Variants in RPS6KC1 observed in about 807,000 individuals in gnomAD.
The protein encoded by RPS6KC1 is inactive ribosomal protein S6 kinase delta-1.
Under a neutral mutation model 103.8 loss-of-function variants are expected in RPS6KC1, and 54 were observed. The ratio of observed to expected loss-of-function variants is 0.52; its 90% CI spans 0.42 to 0.65. The LOEUF (loss-of-function observed/expected upper bound fraction) is 0.65. Ranked by LOEUF, RPS6KC1 falls within the 30% of genes least tolerant of loss-of-function variation. RPS6KC1 has a pLI of 0.00. For missense variants in RPS6KC1, 1,151 were observed against 1,253.8 expected (o/e 0.92, Z 1.24); for synonymous variants, 439 against 438.7 (o/e 1.00, Z -0.01).
the RPS6KC1 span, among the ~76,000 whole-genome samples, chr1:213,779,173 T>C: frequency 6.6e-6 from 1 of 152,178 alleles, no homozygotes; most frequent in South Asian, 2.1e-4. Context: ...AATGAAAGGA[T>C]GAGAACTTGT....
At chr1:213,641,983 A>G in the RPS6KC1 span, among the ~76,000 whole-genome samples, 7 of 152,050 alleles carry the variant, frequency 4.6e-5, no homozygotes, top group Non-Finnish European at 8.8e-5. Context: ...GGCCACCACC[A>G]TAGGATTGCC....
chr1:213,772,411 T>C, the RPS6KC1 span, among the ~76,000 whole-genome samples: 1 of 152,250 alleles, frequency 6.6e-6, no homozygotes, highest in African/African-American at 2.4e-5. Flanking sequence ...CATTATTTCC[T>C]GACCTCTAGA....
chr1:213,330,738 G>C, the RPS6KC1 span, among the ~76,000 whole-genome samples: 1 of 152,252 alleles, frequency 6.6e-6, no homozygotes, highest in Admixed American at 6.5e-5. Flanking sequence ...CGTGGGAACA[G>C]GGTGCTGTCC....
intron 4 of RPS6KC1, among the ~76,000 whole-genome samples, chr1:213,112,644 A>G (rs1014916148): frequency 6.6e-6 from 1 of 151,896 alleles, no homozygotes; most frequent in South Asian, 2.1e-4. Context: ...TACATGTGCC[A>G]TGCTGGTGTG....
rs746753919 is a variant in RPS6KC1 at position 213,051,484 on chromosome 1, A to G, written c.80A>G (p.Tyr27Cys). 6.2e-7 allele frequency: 1 copy of G among 1,613,250 alleles called. No individual in the cohort carries two copies. Among genetic ancestry groups the G allele is most frequent in the South Asian group, 1.1e-5 (1 of 90,906 alleles). ...GAGCCCCAGCGACACCCGAGGGGCT[A>G]CACAGTATATAAGGTCACCGCCCGG... is the stretch of plus-strand genomic sequence containing the variant. The part of the protein sequence containing the change: ...VTEPQRHPRG[Y>C]TVYKVTARVV... The change falls in exon 1 of 15, where the codon TAC becomes TGC. Residue 27 changes from tyrosine to cysteine, a missense_variant. Physicochemically the swap from Tyr to Cys is radical, Grantham distance 194. Transcript: ENST00000366960.
At chr1:213,386,295 T>C in the RPS6KC1 span, among the ~76,000 whole-genome samples, 3 of 152,096 alleles carry the variant, frequency 2.0e-5, no homozygotes, top group Admixed American at 1.3e-4. Context: ...GCCAGCAGAA[T>C]CATGAGCCAA....
the RPS6KC1 span, among the ~76,000 whole-genome samples, chr1:213,524,054 C>T: frequency 8.4e-4 from 128 of 152,116 alleles, no homozygotes; most frequent in African/African-American, 2.9e-3. Context: ...GAGGAAGCCC[C>T]GGGAGGCAGG....
At chr1:213,225,202 A>C (rs2093931300) in intron 8 of RPS6KC1, among the ~76,000 whole-genome samples, 1 of 152,222 alleles carries the variant, frequency 6.6e-6, no homozygotes, top group Non-Finnish European at 1.5e-5. Context: ...TCCAGAGGCC[A>C]ATTTATAATC....
At chr1:213,196,977 C>A (rs753208502) in intron 8 of RPS6KC1, among the ~76,000 whole-genome samples, 6 of 152,092 alleles carry the variant, frequency 3.9e-5, no homozygotes, top group Non-Finnish European at 8.8e-5. Flanking sequence ...GCTGGGATTA[C>A]GGGCATGTGC....
intron 3 of RPS6KC1, among the ~76,000 whole-genome samples, chr1:213,085,866 AG>A (rs1181607861): frequency 1.3e-5 from 2 of 152,110 alleles, no homozygotes; most frequent in African/African-American, 4.8e-5. Flanking sequence ...TTTGATCAGT[AG>A]GAGCCCTTTT....
chr1:213,371,903 C>G, the RPS6KC1 span, among the ~76,000 whole-genome samples: 2 of 152,188 alleles, frequency 1.3e-5, no homozygotes, highest in Admixed American at 1.3e-4. Context: ...TGCCCACTCC[C>G]TGCTCGCCAT....
chr1:213,054,648 A>G (rs1019885231), intron 1 of RPS6KC1, among the ~76,000 whole-genome samples: 8 of 152,172 alleles, frequency 5.3e-5, no homozygotes, highest in African/African-American at 1.9e-4. Context: ...GGAAGTACCA[A>G]TGTTAAATTT....
chr1:213,129,506 C>A, intron 5 of RPS6KC1, 21 bp from the exon 6 acceptor site: 1 of 1,569,590 alleles, frequency 6.4e-7, no homozygotes, highest in Non-Finnish European at 8.6e-7. Context: ...TATCTGTTTA[C>A]TATTGTGATC....
the RPS6KC1 span, among the ~76,000 whole-genome samples, chr1:213,468,474 T>G: frequency 6.6e-6 from 1 of 152,206 alleles, no homozygotes; most frequent in African/African-American, 2.4e-5. Flanking sequence ...CATTCATACA[T>G]TATTCTCTGT....
chr1:213,320,850 G>A, the RPS6KC1 span, among the ~76,000 whole-genome samples: 1 of 152,304 alleles, frequency 6.6e-6, no homozygotes, highest in African/African-American at 2.4e-5. Flanking sequence ...TGGGGAGCAT[G>A]AGATTGTACA....
intron 12 of RPS6KC1, among the ~76,000 whole-genome samples, chr1:213,243,707 A>G (rs1334279729): frequency 1.3e-5 from 2 of 152,182 alleles, no homozygotes; most frequent in African/African-American, 4.8e-5. Flanking sequence ...GCCTCTTTGG[A>G]TGGCCAGAGT....
chr1:213,632,277 G>A, the RPS6KC1 span, among the ~76,000 whole-genome samples: 39 of 152,244 alleles, frequency 2.6e-4, no homozygotes, highest in African/African-American at 7.9e-4. Flanking sequence ...ATACCAAGGG[G>A]TATCCCCATT....
At position 213,153,226 on chromosome 1, in the gene RPS6KC1, A is replaced by AGGGAGAGGGAGACCGTG. The variant is rs2089449880; in HGVS notation, c.836-14619_836-14603dup. 4.0e-5 allele frequency among the ~76,000 whole-genome samples: 6 copies of AGGGAGAGGGAGACCGTG among 148,298 alleles called. No individual in the cohort carries two copies. In the South Asian group the frequency reaches 1.3e-3, roughly 33 times the overall value. On this transcript the variant is annotated intron_variant, in intron 6 of 14. Transcript: ENST00000366960. Reference sequence around the variant, plus strand: ...CATGAGAGGGAGACCGTGGAAAGAGAGGGAGAGGGAGACCGTGGGGAGAGG... The same window carrying AGGGAGAGGGAGACCGTG: ...CATGAGAGGGAGACCGTGGAAAGAGAGGGAGAGGGAGACCGTGGGGAGAGGGAGACCGTGGGGAGAGG...
the RPS6KC1 span, among the ~76,000 whole-genome samples, chr1:213,619,908 GA>G: frequency 1.3e-5 from 2 of 152,150 alleles, no homozygotes; most frequent in African/African-American, 4.8e-5. Context: ...GTAGTAGAGG[GA>G]AAAGTTAATA....
Sources: allele counts gnomAD v4.1 joint callset (sites outside exome capture counted in the v4.1 genomes callset), GRCh38; gene constraint gnomAD v4.1.1; transcripts MANE v1.5; gene names NCBI Gene and HGNC (gene_info 2026-07-23, HGNC 2026-07-21).